Variants in CAMK4 observed in about 807,000 individuals in gnomAD.
CAMK4 encodes calcium/calmodulin-dependent protein kinase type IV.
In CAMK4, 22 loss-of-function variants were observed where a neutral mutation model predicts 44.9. The observed-to-expected ratio is 0.49, with a 90% CI of 0.35 to 0.70. The LOEUF is 0.70. CAMK4 is among the 30% of genes least tolerant of loss of function. The pLI is 0.01. For missense variants in CAMK4, 498 were observed against 586.8 expected, an observed-to-expected ratio of 0.85 and a Z score of 1.56; for synonymous variants, 218 against 215.4, an observed-to-expected ratio of 1.01 and a Z score of -0.11.
intron 1 of CAMK4, among the ~76,000 whole-genome samples, chr5:111,252,897 A>G (rs1428778348): frequency 1.3e-5 from 2 of 152,232 alleles, no homozygotes; most frequent in Admixed American, 6.5e-5. Context: ...ATTTTCACCA[A>G]TCTGACAAAT....
At chr5:111,432,045 T>G (rs1753464814) in intron 5 of CAMK4, among the ~76,000 whole-genome samples, 1 of 152,164 alleles carries the variant, frequency 6.6e-6, no homozygotes, top group Non-Finnish European at 1.5e-5. Flanking sequence ...TGAAGAGATA[T>G]CTGCACTCCC....
chr5:111,371,728 A>G lies in CAMK4; in HGVS notation c.241-3122A>G, dbSNP rs369417438. ...ATTCTCCGATTTAGAAGTTTTGACA[A>G]TATGATGGAGGTTATGATTCTCTTC... On this transcript the variant is annotated intron_variant, in intron 2 of 10. Transcript: ENST00000282356. Among the ~76,000 whole-genome samples, 3 of 152,200 alleles carry G rather than the reference A, an allele frequency of 2.0e-5. No individual in the cohort carries two copies. In the East Asian group the frequency reaches 5.8e-4, roughly 29 times the overall value.
intron 1 of CAMK4, among the ~76,000 whole-genome samples, chr5:111,320,373 T>TCCA (rs1748609528): frequency 1.3e-5 from 2 of 152,172 alleles, no homozygotes; most frequent in Non-Finnish European, 2.9e-5. Flanking sequence ...GCTAGAGACC[T>TCCA]GGAGCCTATT....
chr5:111,416,257 AACAC>A (rs148457400), intron 5 of CAMK4, among the ~76,000 whole-genome samples: 1 of 150,758 alleles, frequency 6.6e-6, no homozygotes, highest in African/African-American at 2.4e-5. Flanking sequence ...CACATATATA[AACAC>A]ACACACACAC....
chr5:111,346,340 A>G (rs1229438501), intron 2 of CAMK4, among the ~76,000 whole-genome samples: 1 of 151,910 alleles, frequency 6.6e-6, no homozygotes. Flanking sequence ...TATTAATGCA[A>G]TTTTTTACTT....
At chr5:111,324,523 T>A (rs1748793979) in intron 1 of CAMK4, among the ~76,000 whole-genome samples, 1 of 152,018 alleles carries the variant, frequency 6.6e-6, no homozygotes, top group Admixed American at 6.6e-5. Context: ...CATCAGAAAG[T>A]CATAATTCTA....
At chr5:111,465,977 A>G (rs1259069396) in intron 7 of CAMK4, among the ~76,000 whole-genome samples, 1 of 152,242 alleles carries the variant, frequency 6.6e-6, no homozygotes, top group Non-Finnish European at 1.5e-5. Context: ...CTAATTCAAC[A>G]GCATATCAAA....
At chr5:111,342,395 A>G (rs1320633336) in intron 1 of CAMK4, among the ~76,000 whole-genome samples, 1 of 151,420 alleles carries the variant, frequency 6.6e-6, no homozygotes, top group Non-Finnish European at 1.5e-5. Context: ...GCTAAAATTT[A>G]CTTAGTCTGA....
chr5:111,430,657 C>G (rs1753409577), intron 5 of CAMK4, among the ~76,000 whole-genome samples: 1 of 151,910 alleles, frequency 6.6e-6, no homozygotes, highest in African/African-American at 2.4e-5. Context: ...TTCTATATGC[C>G]AACAGTGAAC....
intron 1 of CAMK4, among the ~76,000 whole-genome samples, chr5:111,311,765 A>T (rs1192746022): frequency 6.6e-6 from 1 of 152,154 alleles, no homozygotes; most frequent in Non-Finnish European, 1.5e-5. Flanking sequence ...GGACAATCAT[A>T]AATATTATAT....
At chr5:111,402,343 A>T (rs1752258792) in intron 5 of CAMK4, among the ~76,000 whole-genome samples, 1 of 152,258 alleles carries the variant, frequency 6.6e-6, no homozygotes, top group Non-Finnish European at 1.5e-5. Flanking sequence ...ATAAATTATC[A>T]GTTTCTGCTT....
At chr5:111,424,177 T>C (rs1195940289) in intron 5 of CAMK4, among the ~76,000 whole-genome samples, 2 of 152,128 alleles carry the variant, frequency 1.3e-5, no homozygotes, top group Non-Finnish European at 2.9e-5. Flanking sequence ...ATTCAGGAGG[T>C]AAGACTGAAA....
intron 1 of CAMK4, among the ~76,000 whole-genome samples, chr5:111,285,676 AAGT>A (rs1032097109): frequency 3.3e-4 from 51 of 152,268 alleles, no homozygotes; most frequent in African/African-American, 1.2e-3. Context: ...TGTTAGAATA[AAGT>A]AGTGTATTTA....
At chr5:111,335,875 C>T (rs1430854582) in intron 1 of CAMK4, among the ~76,000 whole-genome samples, 3 of 151,318 alleles carry the variant, frequency 2.0e-5, no homozygotes, top group Non-Finnish European at 4.4e-5. Context: ...TATGATTTTA[C>T]AAACACATTA....
At chr5:111,430,056 CA>C (rs1006473135) in intron 5 of CAMK4, among the ~76,000 whole-genome samples, 5 of 151,802 alleles carry the variant, frequency 3.3e-5, no homozygotes, top group Non-Finnish European at 7.4e-5. Context: ...AACATTGATG[CA>C]AAAATCTTCA....
At chr5:111,458,678 A>C (rs553152906) in intron 7 of CAMK4, among the ~76,000 whole-genome samples, 57 of 152,322 alleles carry the variant, frequency 3.7e-4, no homozygotes, top group Non-Finnish European at 7.2e-4. Context: ...GTTACAGTTT[A>C]AACAAGGTAA....
At chr5:111,376,545 T>A (rs940108603) in intron 3 of CAMK4, among the ~76,000 whole-genome samples, 13 of 152,152 alleles carry the variant, frequency 8.5e-5, no homozygotes, top group Non-Finnish European at 1.3e-4. Context: ...TTTTTGTTTT[T>A]GATTTTTGAA....
At chr5:111,384,159 G>A (rs983791895) in intron 4 of CAMK4, among the ~76,000 whole-genome samples, 1 of 152,180 alleles carries the variant, frequency 6.6e-6, no homozygotes, top group African/African-American at 2.4e-5. Context: ...AAGTGAGATT[G>A]TGTGAACAGA....
chr5:111,309,485 A>G (rs1238981051), intron 1 of CAMK4, among the ~76,000 whole-genome samples: 1 of 152,140 alleles, frequency 6.6e-6, no homozygotes, highest in Non-Finnish European at 1.5e-5. Flanking sequence ...GCATTTAACC[A>G]TCCCCATAAG....
Sources: gnomAD v4.1 joint callset for allele counts (sites outside exome capture counted in the v4.1 genomes callset) on GRCh38, gnomAD v4.1.1 for gene constraint, MANE v1.5 for transcripts, NCBI Gene and HGNC (gene_info 2026-07-23, HGNC 2026-07-21) for gene names.